Variants in SGCD observed in about 807,000 individuals in gnomAD.
SGCD encodes delta-sarcoglycan.
In SGCD, 18 loss-of-function variants were observed where a neutral mutation model predicts 36.6. The observed-to-expected ratio is 0.49, with a 90% CI of 0.34 to 0.73. The LOEUF (loss-of-function observed/expected upper bound fraction) is 0.73. SGCD is among the 30% of genes least tolerant of loss of function. The probability of loss-of-function intolerance (pLI) is 0.01; values close to 1 mark genes in which losing one functional copy is unlikely to be tolerated. For missense variants in SGCD, 387 were observed against 346.7 expected (o/e 1.12, Z -0.92); for synonymous variants, 133 against 130.6 (o/e 1.02, Z -0.12).
chr5:156,429,377 C>T (rs897550519), intron 3 of SGCD, among the ~76,000 whole-genome samples: 3 of 151,392 alleles, frequency 2.0e-5, no homozygotes, highest in African/African-American at 4.9e-5. Context: ...TTTTTCTACC[C>T]CTTTACCTTA....
chr5:156,464,278 T>C (rs1451517605), intron 3 of SGCD, among the ~76,000 whole-genome samples: 1 of 144,724 alleles, frequency 6.9e-6, no homozygotes, highest in African/African-American at 2.6e-5. Context: ...TGGAGTGCAA[T>C]GGTGTGATCT....
the SGCD span, among the ~76,000 whole-genome samples, chr5:155,862,797 C>T: frequency 6.6e-6 from 1 of 152,154 alleles, no homozygotes; most frequent in Admixed American, 6.5e-5. Context: ...TGTCCACATA[C>T]CTTTAAATGA....
chr5:156,395,803 C>G (rs1043423581), intron 3 of SGCD, among the ~76,000 whole-genome samples: 10 of 152,030 alleles, frequency 6.6e-5, no homozygotes, highest in African/African-American at 2.4e-4. Context: ...ACGACCCTGC[C>G]CTACAGGGAT....
At position 156,401,792 on chromosome 5, in the gene SGCD, T is replaced by C. The variant is rs77652605; in HGVS notation, c.192+57115T>C. ...AAATTTTCATAAACTATACATAAAT[T>C]CATGATTTTAACCATTTTCAAGTAT... On this transcript the variant is annotated intron_variant, in intron 3 of 8. Transcript: ENST00000337851. Among the ~76,000 whole-genome samples the C allele has an allele frequency of 3.5e-4, 54 of 152,284 alleles. 1 individual carries two copies. In the East Asian group the frequency reaches 0.01, roughly 29 times the overall value.
At chr5:156,673,577 T>C (rs1368842770) in intron 7 of SGCD, among the ~76,000 whole-genome samples, 1 of 152,180 alleles carries the variant, frequency 6.6e-6, no homozygotes, top group Non-Finnish European at 1.5e-5. Context: ...TCGTTAATGA[T>C]AATTTTCCTT....
At chr5:155,754,378 G>A in the SGCD span, among the ~76,000 whole-genome samples, 1 of 152,296 alleles carries the variant, frequency 6.6e-6, no homozygotes, top group East Asian at 1.9e-4. Context: ...GGCAGGCCAT[G>A]AATAGCCTGC....
At chr5:156,654,795 C>T (rs888409169) in intron 7 of SGCD, among the ~76,000 whole-genome samples, 1 of 152,124 alleles carries the variant, frequency 6.6e-6, no homozygotes, top group African/African-American at 2.4e-5. Flanking sequence ...AAAATTTATA[C>T]AGATAATTCT....
At chr5:156,550,950 C>T (rs1758769188) in intron 4 of SGCD, among the ~76,000 whole-genome samples, 1 of 152,204 alleles carries the variant, frequency 6.6e-6, no homozygotes, top group Admixed American at 6.5e-5. Flanking sequence ...TTTTTCAAGA[C>T]AGACATCTTA....
At chr5:155,851,094 A>G in the SGCD span, among the ~76,000 whole-genome samples, 2 of 152,304 alleles carry the variant, frequency 1.3e-5, no homozygotes, top group South Asian at 4.1e-4. Flanking sequence ...AGTGGATGGT[A>G]TCTTTCTCTT....
At chr5:156,652,923 C>A (rs1366203270) in intron 7 of SGCD, among the ~76,000 whole-genome samples, 1 of 152,022 alleles carries the variant, frequency 6.6e-6, no homozygotes, top group Non-Finnish European at 1.5e-5. Flanking sequence ...GTTGAACTAT[C>A]CTTGCATCCC....
At chr5:156,382,176 G>A (rs1445173117) in intron 3 of SGCD, among the ~76,000 whole-genome samples, 2 of 151,944 alleles carry the variant, frequency 1.3e-5, no homozygotes, top group African/African-American at 2.4e-5. Flanking sequence ...ATACTCTCAG[G>A]CCACACAGTG....
chr5:155,763,030 G>A, the SGCD span, among the ~76,000 whole-genome samples: 1 of 152,186 alleles, frequency 6.6e-6, no homozygotes, highest in Non-Finnish European at 1.5e-5. Context: ...AATATGCTGA[G>A]AGCAGAAATC....
chr5:155,972,105 A>G (rs1303665145), intron 1 of SGCD, among the ~76,000 whole-genome samples: 2 of 152,204 alleles, frequency 1.3e-5, no homozygotes. Context: ...ATATGCCAAA[A>G]GCCTTTTAAA....
chr5:156,341,507 G>A (rs1337080027), intron 2 of SGCD, among the ~76,000 whole-genome samples: 1 of 152,014 alleles, frequency 6.6e-6, no homozygotes, highest in Non-Finnish European at 1.5e-5. Flanking sequence ...TGAAAATGGA[G>A]CTCAAAATTT....
chr5:156,307,552 GTTGTTTTTTT>G (rs745681585), intron 3 of SGCD, among the ~76,000 whole-genome samples: 18 of 48,444 alleles, frequency 3.7e-4, no homozygotes, highest in Middle Eastern at 0.022. Flanking sequence ...CATTTTAACT[GTTGTTTTTTT>G]TTTTTTTTTT....
At chr5:156,277,433 T>A (rs1405059164) in intron 3 of SGCD, among the ~76,000 whole-genome samples, 2 of 152,166 alleles carry the variant, frequency 1.3e-5, no homozygotes, top group African/African-American at 4.8e-5. Flanking sequence ...CCACTTGTAA[T>A]GAGGAACATA....
At chr5:156,530,831 G>T (rs1757858422) in intron 4 of SGCD, among the ~76,000 whole-genome samples, 1 of 151,672 alleles carries the variant, frequency 6.6e-6, no homozygotes, top group South Asian at 2.1e-4. Flanking sequence ...ACCCATCTCG[G>T]CCTCCCAAAG....
At chr5:156,117,148 C>A (rs1490258634) in intron 1 of SGCD, among the ~76,000 whole-genome samples, 1 of 152,086 alleles carries the variant, frequency 6.6e-6, no homozygotes, top group Non-Finnish European at 1.5e-5. Flanking sequence ...GTAGTACATA[C>A]TTGCTCTGTG....
At chr5:156,224,586 A>G (rs1252761621) in intron 3 of SGCD, among the ~76,000 whole-genome samples, 2 of 152,138 alleles carry the variant, frequency 1.3e-5, no homozygotes, top group East Asian at 3.9e-4. Context: ...AGAACCAGTA[A>G]GTTTTGATGT....
Sources: gnomAD v4.1 joint callset for allele counts (sites outside exome capture counted in the v4.1 genomes callset) on GRCh38, gnomAD v4.1.1 for gene constraint, MANE v1.5 for transcripts, NCBI Gene and HGNC (gene_info 2026-07-23, HGNC 2026-07-21) for gene names.